PTPRN2: variants seen among roughly 807,000 people sequenced by gnomAD.
The protein encoded by PTPRN2 is protein tyrosine phosphatase receptor type N2, also known as receptor-type tyrosine-protein phosphatase N2.
PTPRN2 carries 74 observed loss-of-function variants against 118.8 expected under a neutral mutation model. The ratio of observed to expected loss-of-function variants is 0.62; its 90% CI spans 0.52 to 0.76. PTPRN2 has a LOEUF of 0.76. Ranked by LOEUF, PTPRN2 falls within the 30% of genes least tolerant of loss-of-function variation. The pLI is 0.00. For missense variants in PTPRN2, 1,481 were observed against 1,394.4 expected, an observed-to-expected ratio of 1.06 and a Z score of -0.99; for synonymous variants, 641 against 608.0, an observed-to-expected ratio of 1.05 and a Z score of -0.80.
chr7:158,333,750 T>C (rs1382013714), intron 2 of PTPRN2, among the ~76,000 whole-genome samples: 2 of 146,064 alleles, frequency 1.4e-5, no homozygotes. Context: ...ACTCTCACCA[T>C]AAGAGCTGAC....
chr7:157,650,324 A>G, intron 14 of PTPRN2, among the ~76,000 whole-genome samples: 1 of 152,190 alleles, frequency 6.6e-6, no homozygotes, highest in Non-Finnish European at 1.5e-5. Context: ...AGGGGGGACT[A>G]TGTACCCCTC....
chr7:157,584,240 T>C (rs1234779982), intron 17 of PTPRN2, among the ~76,000 whole-genome samples: 1 of 152,194 alleles, frequency 6.6e-6, no homozygotes, highest in Non-Finnish European at 1.5e-5. Context: ...TCTACTTAGA[T>C]CTTTTGTGAT....
At position 158,133,887 on chromosome 7, in the gene PTPRN2, C is replaced by T. The variant is rs1236145823; in HGVS notation, c.1346G>A (p.Ser449Asn). 1 of 1,613,806 alleles carries T rather than the reference C, an allele frequency of 6.2e-7. No homozygotes were observed. The highest frequency in any genetic ancestry group is 1.7e-5 in the Admixed American group (1 of 60,010). The change falls in exon 9 of 23, where the codon AGC becomes AAC. Residue 449 changes from serine to asparagine, a missense_variant. This residue lies in a region of PTPRN2 where 1,115 missense variants were observed against 994.2 expected (regional missense o/e 1.12). Transcript: ENST00000389418. ...EETAGVENVKSQTYSKDLLGQ... is the reference protein window; with the variant it reads ...EETAGVENVKNQTYSKDLLGQ... ...CAGCAGATCTTTGGAATACGTCTGG[C>T]TCTTGACGTTCTCCACTCCGGCAGT...
chr7:157,712,301 C>T (rs1798685434), intron 12 of PTPRN2, among the ~76,000 whole-genome samples: 1 of 152,188 alleles, frequency 6.6e-6, no homozygotes, highest in African/African-American at 2.4e-5. Flanking sequence ...TCTTAGAGTA[C>T]AAACTGTGTC....
At chr7:158,269,296 C>T (rs1202457926) in intron 3 of PTPRN2, among the ~76,000 whole-genome samples, 1 of 152,248 alleles carries the variant, frequency 6.6e-6, no homozygotes, top group Non-Finnish European at 1.5e-5. Flanking sequence ...CAGTGTAACC[C>T]TGAATGCCAA....
At chr7:157,720,377 C>T (rs1799163311) in intron 12 of PTPRN2, among the ~76,000 whole-genome samples, 1 of 152,364 alleles carries the variant, frequency 6.6e-6, no homozygotes, top group African/African-American at 2.4e-5. Context: ...CCCAAACCCA[C>T]CTTGTCACTC....
chr7:158,469,120 T>TATGCACACTCACACACACTCCGGGTG (rs1563330323), intron 2 of PTPRN2, among the ~76,000 whole-genome samples: 3 of 152,016 alleles, frequency 2.0e-5, no homozygotes, highest in African/African-American at 7.2e-5. Flanking sequence ...GGATCAACAG[T>TATGCACACTCACACACACTCCGGGTG]GTCAGGCTTT....
chr7:158,417,788 GTAC>G (rs528463415), intron 2 of PTPRN2, among the ~76,000 whole-genome samples: 6 of 120,076 alleles, frequency 5.0e-5, no homozygotes, highest in African/African-American at 2.2e-4. Flanking sequence ...AAGTCACGGT[GTAC>G]TACATCGAGA....
intron 3 of PTPRN2, among the ~76,000 whole-genome samples, chr7:158,263,264 G>A (rs1220309153): frequency 2.0e-5 from 3 of 152,154 alleles, no homozygotes; most frequent in Admixed American, 1.3e-4. Flanking sequence ...ACTTGTGCAT[G>A]CACTGCACGT....
chr7:158,324,241 A>G (rs1217203221), intron 2 of PTPRN2, among the ~76,000 whole-genome samples: 2 of 152,132 alleles, frequency 1.3e-5, no homozygotes, highest in African/African-American at 4.8e-5. Flanking sequence ...GAGTTCCTGG[A>G]AGGCAGGGAT....
chr7:158,002,049 A>G (rs527579071), intron 11 of PTPRN2, among the ~76,000 whole-genome samples: 149 of 152,310 alleles, frequency 9.8e-4, no homozygotes, highest in African/African-American at 3.5e-3. Flanking sequence ...CTTCCCTTGG[A>G]GTCACCTCGG....
rs776717869 is a variant in PTPRN2 at position 158,587,687 on chromosome 7, C to A, written c.-18G>T. On this transcript the variant is annotated 5_prime_UTR_variant, in exon 1 of 23. Transcript: ENST00000389418. ...GGCCCCATCCCCGCGGCCTGGCCGG[C>A]GGCGCTCAGTCCATGGCCGCGCGGG... The A allele has an allele frequency of 1.2e-4, 162 of 1,308,132 alleles. No individual in the cohort carries two copies. The highest frequency in any genetic ancestry group is 6.1e-4 in the South Asian group (32 of 52,398). 81.0% of individuals were successfully genotyped at this position (1,308,132 alleles called of 1,614,324 possible).
Position 157,539,887 on chromosome 7 carries a change from T to C in PTPRN2, c.*827A>G, listed in dbSNP as rs900977203. The C allele has an allele frequency of 1.3e-5, 2 of 152,272 alleles. No individual in the cohort carries two copies. The highest frequency in any genetic ancestry group is 2.4e-5 in the African/African-American group (1 of 41,468). 9.4% of individuals were successfully genotyped at this position (152,272 alleles called of 1,614,324 possible). Reference sequence around the variant, plus strand: ...ATAGCTTGCTCAATGCCCAGATTTGTTCTTCCTGGTTGTGGTTATCTCACA... The same window carrying C: ...ATAGCTTGCTCAATGCCCAGATTTGCTCTTCCTGGTTGTGGTTATCTCACA... On this transcript the variant is annotated 3_prime_UTR_variant, in exon 23 of 23. Transcript: ENST00000389418.
At chr7:158,305,586 A>G (rs1801221494) in intron 3 of PTPRN2, among the ~76,000 whole-genome samples, 1 of 152,196 alleles carries the variant, frequency 6.6e-6, no homozygotes. Context: ...AGTGATCCCC[A>G]AGGCGATGTC....
intron 21 of PTPRN2, among the ~76,000 whole-genome samples, chr7:157,554,986 C>T (rs1017836226): frequency 5.3e-5 from 8 of 151,416 alleles, no homozygotes; most frequent in East Asian, 1.9e-4. Context: ...CCCAGTGTGG[C>T]GGGCGTCCCA....
intron 10 of PTPRN2, among the ~76,000 whole-genome samples, chr7:158,095,816 T>C (rs1445292220): frequency 6.6e-6 from 1 of 152,176 alleles, no homozygotes; most frequent in Non-Finnish European, 1.5e-5. Flanking sequence ...TGGTCTCCAG[T>C]GATCCTCCCA....
At chr7:158,274,313 C>G in intron 3 of PTPRN2, among the ~76,000 whole-genome samples, 1 of 130,470 alleles carries the variant, frequency 7.7e-6, no homozygotes, top group Non-Finnish European at 1.6e-5. Flanking sequence ...ACACAAGGAG[C>G]CGCAGCCACA....
chr7:158,017,138 AT>A (rs1182601139), intron 11 of PTPRN2, among the ~76,000 whole-genome samples: 1 of 152,226 alleles, frequency 6.6e-6, no homozygotes, highest in Admixed American at 6.5e-5. Context: ...CTTGAAATGC[AT>A]TTTTTGCTTT....
At chr7:158,151,046 G>A (rs1400274951) in intron 6 of PTPRN2, among the ~76,000 whole-genome samples, 3 of 142,010 alleles carry the variant, frequency 2.1e-5, no homozygotes, top group African/African-American at 5.3e-5. Flanking sequence ...TCCTGCCCCT[G>A]CCTGCCCACA....
Sources: allele counts gnomAD v4.1 joint callset (sites outside exome capture counted in the v4.1 genomes callset), GRCh38; gene constraint gnomAD v4.1.1; regional missense constraint gnomAD v4.1.1; transcripts MANE v1.5; gene names NCBI Gene and HGNC (gene_info 2026-07-23, HGNC 2026-07-21).